The following PLXNA2 variants were observed in gnomAD, a reference collection of about 807,000 sequenced individuals.
PLXNA2 encodes plexin-A2.
Under a neutral mutation model 193.5 loss-of-function variants are expected in PLXNA2, and 91 were observed. The ratio of observed to expected loss-of-function variants is 0.47; its 90% confidence interval spans 0.40 to 0.56. PLXNA2 has a LOEUF of 0.56. PLXNA2 is among the 20% of genes least tolerant of loss of function. The pLI, the probability that PLXNA2 is intolerant of heterozygous loss-of-function variation, is 0.00. For missense variants in PLXNA2, 1,995 were observed against 2,503.2 expected (o/e 0.80, Z 4.33); for synonymous variants, 997 against 1,027.3 (o/e 0.97, Z 0.56).
rs729765 is a variant in PLXNA2, at chr1:208,062,467, G to C, written c.2587-1630C>G. 8.4e-3 allele frequency among the ~76,000 whole-genome samples: 1,271 copies of C among 152,180 alleles called. 24 individuals carry two copies. Among genetic ancestry groups the C allele is most frequent in the African/African-American group, 0.029 (1,214 of 41,484 alleles). On this transcript the variant is annotated intron_variant, in intron 12 of 31. Coordinates refer to ENST00000367033, the MANE Select transcript of PLXNA2 (RefSeq NM_025179.4). ...ATGCTGTTCAGACTCCCGGTCTCTC[G>C]GCAAGTTGGCTGCAGAGCCGGGACT...
intron 4 of PLXNA2, among the ~76,000 whole-genome samples, chr1:208,114,500 C>T (rs1235488885): frequency 2.0e-5 from 3 of 152,210 alleles, no homozygotes; most frequent in East Asian, 1.9e-4. Flanking sequence ...TCCATAGGTG[C>T]CGGATCTGAG....
rs758997780 is a variant in PLXNA2 at position 208,210,477 on chromosome 1, A to G, written c.1189-15T>C. 1.9e-6 allele frequency: 3 copies of G among 1,604,036 alleles called. No homozygotes were observed. The East Asian group carries it at 6.7e-5, about 36-fold the overall frequency. On this transcript the variant is annotated splice_polypyrimidine_tract_variant and intron_variant, in intron 2 of 31. Coordinates refer to ENST00000367033, the MANE Select transcript of PLXNA2 (RefSeq NM_025179.4). ...ATGGGGACAGGCTGGAGGGAAGCGG[A>G]AGGAATTGGGGTGAGTAACAGTGGA...
chr1:208,135,188 A>T (rs1668267077), intron 4 of PLXNA2, among the ~76,000 whole-genome samples: 1 of 152,184 alleles, frequency 6.6e-6, no homozygotes, highest in African/African-American at 2.4e-5. Flanking sequence ...TCCTGCATTT[A>T]AGACCTTCAG....
chr1:208,199,421 A>G (rs1426084909), intron 3 of PLXNA2, among the ~76,000 whole-genome samples: 6 of 152,222 alleles, frequency 3.9e-5, no homozygotes, highest in South Asian at 2.1e-4. Context: ...GGCCGGGCGC[A>G]GTGGCTCACG....
intron 26 of PLXNA2, 120 bp from the exon 27 acceptor site, chr1:208,034,712 G>T: frequency 1.6e-6 from 1 of 632,436 alleles, no homozygotes. Flanking sequence ...AGGAGTACAG[G>T]AATACCAGAA....
intron 12 of PLXNA2, among the ~76,000 whole-genome samples, chr1:208,077,007 A>G (rs1326649956): frequency 6.6e-6 from 1 of 152,196 alleles, no homozygotes; most frequent in Non-Finnish European, 1.5e-5. Flanking sequence ...AATGACTTTC[A>G]CAGGGAAAGG....
intron 3 of PLXNA2, among the ~76,000 whole-genome samples, chr1:208,202,289 AT>A (rs1433535167): frequency 6.6e-6 from 1 of 152,108 alleles, no homozygotes; most frequent in Non-Finnish European, 1.5e-5. Context: ...CAGGGCAGCC[AT>A]TTTTGACAGT....
At chr1:208,120,846 G>C (rs1324350778) in intron 4 of PLXNA2, among the ~76,000 whole-genome samples, 2 of 152,160 alleles carry the variant, frequency 1.3e-5, no homozygotes, top group African/African-American at 2.4e-5. Flanking sequence ...AGAGAGATGG[G>C]AATCACCTTT....
intron 4 of PLXNA2, among the ~76,000 whole-genome samples, chr1:208,137,760 A>C (rs1372114566): frequency 3.9e-5 from 6 of 152,160 alleles, no homozygotes; most frequent in Non-Finnish European, 7.3e-5. Context: ...TACTAGTCCT[A>C]TTTCTTAATT....
chr1:208,064,134 A>C (rs1476850858), intron 12 of PLXNA2, among the ~76,000 whole-genome samples: 1 of 152,126 alleles, frequency 6.6e-6, no homozygotes, highest in Non-Finnish European at 1.5e-5. Flanking sequence ...ACAAATAATA[A>C]AGAAGGTCGC....
chr1:208,216,879 G>A lies in PLXNA2; in HGVS notation c.1044C>T (p.His348=), dbSNP rs368112042. The A allele has an allele frequency of 1.2e-5, 20 of 1,614,124 alleles. No homozygotes were observed. In the African/African-American group the frequency reaches 2.3e-4, roughly 18 times the overall value. ...IFSKGQKQYH[H]PPDDSALCAF... is the part of the protein sequence containing the mutation. ...CACACAGGGCAGAGTCATCGGGCGGGTGGTGATACTGCTTCTGCCCTTTGG... is the reference window on the plus strand; with the variant it reads ...CACACAGGGCAGAGTCATCGGGCGGATGGTGATACTGCTTCTGCCCTTTGG... Residue 348 remains histidine (H), a synonymous_variant, in exon 2 of 32, where the codon CAC becomes CAT. Transcript: ENST00000367033.
chr1:208,218,666 A>G (rs1370917852), intron 1 of PLXNA2, among the ~76,000 whole-genome samples: 2 of 152,236 alleles, frequency 1.3e-5, no homozygotes, highest in Non-Finnish European at 1.5e-5. Flanking sequence ...AACAGCTGTT[A>G]GAACTTGTTA....
intron 22 of PLXNA2, chr1:208,040,303 G>A (rs532746032): frequency 2.2e-5 from 12 of 554,112 alleles, no homozygotes; most frequent in South Asian, 1.8e-4. Flanking sequence ...CAGCCCTGAT[G>A]GTCCGTGGTG....
rs2102294997 is a variant in PLXNA2 at position 208,028,108 on chromosome 1, A to G, written c.5490T>C (p.Asn1830=). The G allele has an allele frequency of 6.2e-7, 1 of 1,613,672 alleles. No individual in the cohort carries two copies. Among genetic ancestry groups the G allele is most frequent in the East Asian group, 2.2e-5 (1 of 44,844 alleles). Residue 1830 remains asparagine (N), a synonymous_variant, in exon 31 of 32, where the codon AAT becomes AAC. Transcript: ENST00000367033. The surrounding 1 kb of genome is among the most constrained non-coding windows in gnomAD (Gnocchi z 4.2). The part of the protein sequence containing the change: ...KLPAISDQDM[N]AYLAEQSRLH... The stretch of plus-strand genomic sequence containing the variant: ...GGCGGGACTGCTCGGCGAGGTAGGC[A>G]TTCATGTCCTGGTCACTGATGGCTG...
chr1:208,152,691 A>G (rs1181849788), intron 3 of PLXNA2, among the ~76,000 whole-genome samples: 1 of 151,138 alleles, frequency 6.6e-6, no homozygotes, highest in Non-Finnish European at 1.5e-5. Flanking sequence ...ACGCACACAC[A>G]CACACACACA....
chr1:208,162,326 G>T (rs530684315), intron 3 of PLXNA2, among the ~76,000 whole-genome samples: 1 of 152,376 alleles, frequency 6.6e-6, no homozygotes, highest in African/African-American at 2.4e-5. Flanking sequence ...AATAGCATTT[G>T]TATTGGAGCA....
intron 3 of PLXNA2, among the ~76,000 whole-genome samples, chr1:208,158,819 AG>A (rs1427927306): frequency 6.6e-6 from 1 of 152,214 alleles, no homozygotes; most frequent in Non-Finnish European, 1.5e-5. Context: ...GATTCCCTAC[AG>A]GTGGTCTGAG....
chr1:208,041,623 AG>A (rs1289498384), intron 22 of PLXNA2, among the ~76,000 whole-genome samples: 2 of 152,258 alleles, frequency 1.3e-5, no homozygotes, highest in African/African-American at 4.8e-5. Flanking sequence ...GCTAGGTGCT[AG>A]GGCAATGGAG....
rs1459828459 is a variant in PLXNA2, at chr1:208,236,732, G to A, written c.-81+6911C>T. ...CCTGTTCCACCACCAGAGCAGAAGC[G>A]GAAATGACGGCTAGGAAAGGCTCTA... On this transcript the variant is annotated intron_variant, in intron 1 of 31. Coordinates refer to ENST00000367033, the MANE Select transcript of PLXNA2 (RefSeq NM_025179.4). This position sits in a 1 kb window ranked among gnomAD's most constrained non-coding sequence, Gnocchi z 4.4. 5.3e-5 allele frequency among the ~76,000 whole-genome samples: 8 copies of A among 152,186 alleles called. No homozygotes were observed. Among genetic ancestry groups the A allele is most frequent in the South Asian group, 2.1e-4 (1 of 4,822 alleles).
Sources: allele counts gnomAD v4.1 joint callset (sites outside exome capture counted in the v4.1 genomes callset), GRCh38; gene constraint gnomAD v4.1.1; non-coding constraint Gnocchi (gnomAD v3.1); transcripts MANE v1.5; gene names NCBI Gene and HGNC (gene_info 2026-07-23, HGNC 2026-07-21).